Variants in ATP9B observed in about 807,000 individuals in gnomAD.
The protein encoded by ATP9B is ATPase phospholipid transporting 9B.
In ATP9B, 110 loss-of-function variants were observed where a neutral mutation model predicts 146.1. That is an observed-to-expected ratio of 0.75 (90% CI 0.65 to 0.88). ATP9B has a LOEUF of 0.88. ATP9B is among the 40% of genes least tolerant of loss of function. The pLI, the probability that ATP9B is intolerant of heterozygous loss-of-function variation, is 0.00. For missense variants in ATP9B, 1,499 were observed against 1,496.4 expected (o/e 1.00, Z -0.03); for synonymous variants, 604 against 569.7 (o/e 1.06, Z -0.86).
intron 11 of ATP9B, among the ~76,000 whole-genome samples, chr18:79,246,995 A>C (rs1298723087): frequency 6.6e-6 from 1 of 152,238 alleles, no homozygotes; most frequent in Admixed American, 6.5e-5. Flanking sequence ...TAGAGCAAAA[A>C]TTAAATTTCC....
intron 11 of ATP9B, among the ~76,000 whole-genome samples, chr18:79,227,279 A>G (rs936219360): frequency 2.6e-5 from 4 of 151,862 alleles, no homozygotes; most frequent in African/African-American, 7.3e-5. Context: ...TTAGCAAAAA[A>G]TGCTGTTTAG....
chr18:79,286,093 C>T (rs1289072844), intron 13 of ATP9B, among the ~76,000 whole-genome samples: 3 of 150,704 alleles, frequency 2.0e-5, no homozygotes, highest in Non-Finnish European at 4.4e-5. Flanking sequence ...ATTGACTTGG[C>T]GATGCGGGCT....
intron 11 of ATP9B, among the ~76,000 whole-genome samples, chr18:79,242,788 G>A (rs2095902190): frequency 1.3e-5 from 2 of 152,202 alleles, no homozygotes; most frequent in Non-Finnish European, 2.9e-5. Flanking sequence ...GGCTCATAAA[G>A]TGTCTCTGAA....
At chr18:79,165,612 C>G (rs565092500) in intron 7 of ATP9B, among the ~76,000 whole-genome samples, 1 of 152,332 alleles carries the variant, frequency 6.6e-6, no homozygotes, top group Admixed American at 6.5e-5. Context: ...TCGAGACCTT[C>G]TTTCTCAGTG....
intron 19 of ATP9B, among the ~76,000 whole-genome samples, chr18:79,341,645 C>A (rs1316017077): frequency 6.9e-6 from 1 of 145,938 alleles, no homozygotes; most frequent in African/African-American, 2.6e-5. Context: ...CTGTTGAAGC[C>A]TGCGTTGCCA....
At chr18:79,358,920 G>T (rs2096970104) in intron 25 of ATP9B, among the ~76,000 whole-genome samples, 1 of 151,184 alleles carries the variant, frequency 6.6e-6, no homozygotes, top group African/African-American at 2.4e-5. Context: ...TGGGTCTGGA[G>T]GTGTCTGTGT....
intron 1 of ATP9B, among the ~76,000 whole-genome samples, chr18:79,082,483 C>A (rs1020701733): frequency 2.0e-5 from 3 of 152,118 alleles, no homozygotes; most frequent in Admixed American, 1.3e-4. Context: ...GGAGAAGAGG[C>A]GTTCTGGTTT....
Position 79,166,054 on chromosome 18 carries a change from C to G in ATP9B, c.779-10759C>G, listed in dbSNP as rs143413100. Among the ~76,000 whole-genome samples, 616 of 152,284 alleles carry G rather than the reference C, an allele frequency of 4.0e-3. 9 individuals carry two copies. Among genetic ancestry groups the G allele is most frequent in the African/African-American group, 0.014 (594 of 41,556 alleles). ...CTGGTAGAGCTGGCTGCTGTCCTGTCCCCAGCTCCAATGCCATACTCCAGA... is the reference window on the plus strand; with the variant it reads ...CTGGTAGAGCTGGCTGCTGTCCTGTGCCCAGCTCCAATGCCATACTCCAGA... On this transcript the variant is annotated intron_variant, in intron 7 of 29. Transcript: ENST00000426216.
intron 15 of ATP9B, among the ~76,000 whole-genome samples, chr18:79,312,476 C>G: frequency 6.6e-6 from 1 of 152,208 alleles, no homozygotes; most frequent in East Asian, 1.9e-4. Context: ...GACCAGGGGT[C>G]CCCAGCTGCC....
intron 12 of ATP9B, among the ~76,000 whole-genome samples, chr18:79,262,351 C>T (rs2096151951): frequency 6.6e-6 from 1 of 152,024 alleles, no homozygotes; most frequent in African/African-American, 2.4e-5. Context: ...AATTCATGAA[C>T]TCTCATCACT....
chr18:79,342,016 T>C (rs1341091996), intron 19 of ATP9B, among the ~76,000 whole-genome samples: 12 of 152,246 alleles, frequency 7.9e-5, no homozygotes, highest in Non-Finnish European at 1.5e-5. Flanking sequence ...ATTTGTCCTT[T>C]TGTGACTGGC....
intron 13 of ATP9B, among the ~76,000 whole-genome samples, chr18:79,280,452 A>G (rs1213518525): frequency 6.6e-6 from 1 of 152,232 alleles, no homozygotes; most frequent in Admixed American, 6.5e-5. Flanking sequence ...GGGTCACTAC[A>G]TAAAAGGTTC....
intron 4 of ATP9B, among the ~76,000 whole-genome samples, chr18:79,120,961 A>G (rs1205214646): frequency 6.6e-6 from 1 of 152,198 alleles, no homozygotes. Context: ...ATTGCTTGGA[A>G]TCATCCAGAG....
At chr18:79,372,917 T>A in intron 27 of ATP9B, 35 bp downstream of exon 27, 1 of 1,462,986 alleles carries the variant, frequency 6.8e-7, no homozygotes, top group South Asian at 1.2e-5. Context: ...GGACTAAAGA[T>A]TTTTTTATTT....
intron 13 of ATP9B, among the ~76,000 whole-genome samples, chr18:79,289,244 A>G (rs1385684519): frequency 6.6e-6 from 1 of 152,194 alleles, no homozygotes; most frequent in Non-Finnish European, 1.5e-5. Context: ...CGTCACTTTC[A>G]GGTACGCCAA....
intron 7 of ATP9B, among the ~76,000 whole-genome samples, chr18:79,158,715 A>G (rs1326043072): frequency 6.6e-6 from 1 of 152,194 alleles, no homozygotes; most frequent in East Asian, 1.9e-4. Context: ...TATGATTTCT[A>G]TCCTTTGAAG....
At chr18:79,219,582 A>G (rs989034928) in intron 11 of ATP9B, among the ~76,000 whole-genome samples, 1 of 152,164 alleles carries the variant, frequency 6.6e-6, no homozygotes, top group Middle Eastern at 3.2e-3. Context: ...CCACCACAGG[A>G]ACTATGGCAT....
rs561856583 is a variant in ATP9B at position 79,254,375 on chromosome 18, A to G, written c.1268+834A>G. The G allele has an allele frequency of 1.8e-4, 27 of 152,378 alleles. No homozygotes were observed. In the South Asian group the frequency reaches 5.4e-3, roughly 30 times the overall value. 9.4% of individuals were successfully genotyped at this position (152,378 alleles called of 1,614,324 possible). ...TTACTTACGTCATAAAGTCAGAGCT[A>G]TAATCTGTTCTTGGGATGTGTACAC... On this transcript the variant is annotated intron_variant, in intron 12 of 29. Transcript: ENST00000426216.
At chr18:79,312,788 G>A (rs779745679) in intron 15 of ATP9B, among the ~76,000 whole-genome samples, 1 of 152,198 alleles carries the variant, frequency 6.6e-6, no homozygotes, top group Non-Finnish European at 1.5e-5. Flanking sequence ...CCAAAGTTTA[G>A]ATGGTATTTG....
Sources: gnomAD v4.1 joint callset for allele counts (sites outside exome capture counted in the v4.1 genomes callset) on GRCh38, gnomAD v4.1.1 for gene constraint, MANE v1.5 for transcripts, NCBI Gene and HGNC (gene_info 2026-07-23, HGNC 2026-07-21) for gene names.